Variants in HSDL2 observed in about 807,000 individuals in gnomAD.
HSDL2 encodes the protein hydroxysteroid dehydrogenase like 2, also known as hydroxysteroid dehydrogenase-like protein 2.
A neutral mutation model predicts 46.3 loss-of-function variants in HSDL2; 27 were observed. The ratio of observed to expected loss-of-function variants is 0.58; its 90% CI spans 0.43 to 0.80. The LOEUF (loss-of-function observed/expected upper bound fraction) is 0.80. HSDL2 is among the 30% of genes least tolerant of loss of function. HSDL2 has a pLI of 0.00. For missense variants in HSDL2, 451 were observed against 502.7 expected (o/e 0.90, Z 0.98); for synonymous variants, 153 against 163.6 (o/e 0.94, Z 0.50).
At chr9:112,388,191 A>G (rs1444131184) in intron 1 of HSDL2, among the ~76,000 whole-genome samples, 2 of 151,730 alleles carry the variant, frequency 1.3e-5, no homozygotes, top group Non-Finnish European at 2.9e-5. Context: ...ACCCAGGCAC[A>G]GTGGCTCATG....
intron 9 of HSDL2, among the ~76,000 whole-genome samples, chr9:112,458,585 C>T (rs138847852): frequency 3.2e-4 from 49 of 152,028 alleles, no homozygotes; most frequent in African/African-American, 1.1e-3. Context: ...CCCTTGCCTC[C>T]CAAAGAGTCA....
At chr9:112,433,064 C>T (rs59721573) in intron 6 of HSDL2, among the ~76,000 whole-genome samples, 4,590 of 152,084 alleles carry the variant, frequency 0.03, 251 homozygotes, top group African/African-American at 0.1. Flanking sequence ...TGTGATCCAC[C>T]GTGCCTGGCC....
intron 1 of HSDL2, among the ~76,000 whole-genome samples, chr9:112,381,430 C>T (rs567417176): frequency 1.1e-3 from 168 of 152,212 alleles, no homozygotes; most frequent in South Asian, 1.7e-3. Context: ...GGCATGATCT[C>T]GGCTCACTGC....
chr9:112,402,747 C>T (rs975630775), intron 1 of HSDL2, among the ~76,000 whole-genome samples: 1 of 152,078 alleles, frequency 6.6e-6, no homozygotes, highest in African/African-American at 2.4e-5. Context: ...ATGGTGAAAT[C>T]ACGTCTCTGC....
intron 6 of HSDL2, among the ~76,000 whole-genome samples, chr9:112,428,275 T>A (rs1233712787): frequency 6.6e-6 from 1 of 152,254 alleles, no homozygotes; most frequent in East Asian, 1.9e-4. Flanking sequence ...TCAGTTTGGT[T>A]AAATTCCTTT....
intron 1 of HSDL2, among the ~76,000 whole-genome samples, chr9:112,383,901 T>C (rs1459479332): frequency 6.6e-6 from 1 of 151,934 alleles, no homozygotes; most frequent in Non-Finnish European, 1.5e-5. Flanking sequence ...GGAGTCTCAC[T>C]TTGTTGCCCA....
At chr9:112,440,377 C>T (rs1832614848) in intron 7 of HSDL2, among the ~76,000 whole-genome samples, 1 of 151,186 alleles carries the variant, frequency 6.6e-6, no homozygotes. Flanking sequence ...TGAGACCAGC[C>T]TGGGCAAAAC....
intron 10 of HSDL2, among the ~76,000 whole-genome samples, chr9:112,466,728 T>C (rs1249277358): frequency 6.6e-6 from 1 of 152,172 alleles, no homozygotes; most frequent in African/African-American, 2.4e-5. Flanking sequence ...TTACTTCCAG[T>C]GTCATATATA....
intron 1 of HSDL2, among the ~76,000 whole-genome samples, chr9:112,393,356 T>C (rs961496651): frequency 2.0e-5 from 3 of 152,252 alleles, no homozygotes; most frequent in African/African-American, 7.2e-5. Flanking sequence ...TGTAGGAATA[T>C]GGTGTGATAC....
Position 112,459,237 on chromosome 9 carries a change from G to A in HSDL2, c.1016-212G>A, listed in dbSNP as rs538011973. Among the ~76,000 whole-genome samples the A allele has an allele frequency of 3.3e-5, 5 of 152,220 alleles. No individual in the cohort carries two copies. In the East Asian group the frequency reaches 9.7e-4, roughly 29 times the overall value. ...CCCTCTACTTCCTCTTTTGTGAGTA[G>A]AACCATGGTTTTCTTTTTATTGAAG... is the stretch of plus-strand genomic sequence containing the variant. On this transcript the variant is annotated intron_variant, in intron 9 of 10. Coordinates refer to ENST00000398805, the MANE Select transcript of HSDL2 (RefSeq NM_032303.5).
intron 6 of HSDL2, among the ~76,000 whole-genome samples, chr9:112,420,189 T>C (rs1832087280): frequency 6.6e-6 from 1 of 151,788 alleles, no homozygotes; most frequent in Non-Finnish European, 1.5e-5. Context: ...AAAAATAGGA[T>C]AAATTAGCCA....
At chr9:112,409,239 G>T (rs538681767) in intron 4 of HSDL2, among the ~76,000 whole-genome samples, 1 of 151,856 alleles carries the variant, frequency 6.6e-6, no homozygotes, top group Non-Finnish European at 1.5e-5. Context: ...GCCCAGGCTG[G>T]AGTGCAGTGG....
Position 112,418,876 on chromosome 9 carries a change from G to A in HSDL2, c.516G>A (p.Lys172=). The A allele has an allele frequency of 6.3e-7, 1 of 1,587,178 alleles. No homozygotes were observed. Among genetic ancestry groups the A allele is most frequent in the South Asian group, 1.1e-5 (1 of 90,222 alleles). Reference sequence around the variant, plus strand: ...TTCTTTCAGCTTATACCATTGCTAAGTATGGTATGTCTATGTATGTGCTTG... The same window carrying A: ...TTCTTTCAGCTTATACCATTGCTAAATATGGTATGTCTATGTATGTGCTTG... The part of the protein sequence containing the change: ...FKQHCAYTIA[K]YGMSMYVLGM... Residue 172 remains lysine, a synonymous_variant, in exon 6 of 11, where the codon AAG becomes AAA. Coordinates refer to ENST00000398805, the MANE Select transcript of HSDL2 (RefSeq NM_032303.5).
rs369407657 is a variant in HSDL2 at position 112,450,161 on chromosome 9, G to A, written c.866-3852G>A. On this transcript the variant is annotated intron_variant, in intron 8 of 10. Coordinates refer to ENST00000398805, the MANE Select transcript of HSDL2 (RefSeq NM_032303.5). ...AAGCTTAGTACGGGCAGGGTATAGG[G>A]GCTCACACCTGTAATCATAACACTA... is the stretch of plus-strand genomic sequence containing the variant. 6.6e-5 allele frequency among the ~76,000 whole-genome samples: 10 copies of A among 152,014 alleles called. 1 individual carries two copies. The East Asian group carries it at 1.9e-3, about 29-fold the overall frequency.
At position 112,452,604 on chromosome 9, in the gene HSDL2, G is replaced by A. The variant is rs148461240; in HGVS notation, c.866-1409G>A. 4.6e-3 allele frequency among the ~76,000 whole-genome samples: 696 copies of A among 152,240 alleles called. 5 individuals are homozygous for A. Among genetic ancestry groups the A allele is most frequent in the African/African-American group, 0.016 (662 of 41,532 alleles). On this transcript the variant is annotated intron_variant, in intron 8 of 10. Coordinates refer to ENST00000398805, the MANE Select transcript of HSDL2 (RefSeq NM_032303.5). ...TCTACTAAAAATTCAAAAATTAGCC[G>A]GGCACGGTGGTGGGCACCTGTAGTC...
chr9:112,385,292 A>C (rs1205686524), intron 1 of HSDL2, among the ~76,000 whole-genome samples: 1 of 152,148 alleles, frequency 6.6e-6, no homozygotes, highest in African/African-American at 2.4e-5. Flanking sequence ...TATAGGTAAG[A>C]GATCAGACTT....
intron 1 of HSDL2, among the ~76,000 whole-genome samples, chr9:112,401,441 CAAAAAAAAAAA>C (rs398011899): frequency 6.5e-5 from 4 of 61,492 alleles, no homozygotes; most frequent in African/African-American, 2.7e-4. Context: ...GAACCGCTCT[CAAAAAAAAAAA>C]AAAAAAAAAA....
chr9:112,409,442 TG>T (rs1831809786), intron 4 of HSDL2, among the ~76,000 whole-genome samples: 1 of 152,044 alleles, frequency 6.6e-6, no homozygotes. Context: ...CCACCCACCT[TG>T]GCCTCCCAAA....
chr9:112,414,302 A>T (rs958994367), intron 4 of HSDL2, among the ~76,000 whole-genome samples: 1 of 152,204 alleles, frequency 6.6e-6, no homozygotes, highest in Non-Finnish European at 1.5e-5. Context: ...TTTTACACCA[A>T]CTCACTTTAT....
Sources: allele counts gnomAD v4.1 joint callset (sites outside exome capture counted in the v4.1 genomes callset), GRCh38; gene constraint gnomAD v4.1.1; transcripts MANE v1.5; gene names NCBI Gene and HGNC (gene_info 2026-07-23, HGNC 2026-07-21).